LOC400499: variants seen among roughly 807,000 people sequenced by gnomAD.
chr16:11,478,322 C>T, the LOC400499 span, among the ~76,000 whole-genome samples: 6 of 152,044 alleles, frequency 3.9e-5, no homozygotes, highest in African/African-American at 7.2e-5. Flanking sequence ...GCCACTTCGC[C>T]GAACCAGATA....
the LOC400499 span, chr16:11,449,001 C>T: frequency 5.1e-3 from 7,835 of 1,524,538 alleles, 26 homozygotes; most frequent in Non-Finnish European, 6.4e-3. Flanking sequence ...CTTACGGTCC[C>T]GGCTGTTCTC....
At chr16:11,480,073 G>A in the LOC400499 span, among the ~76,000 whole-genome samples, 1 of 152,188 alleles carries the variant, frequency 6.6e-6, no homozygotes, top group Non-Finnish European at 1.5e-5. Context: ...GAGCTGAGCA[G>A]TGGCTGCCAC....
At chr16:11,497,211 T>C in the LOC400499 span, among the ~76,000 whole-genome samples, 1 of 152,154 alleles carries the variant, frequency 6.6e-6, no homozygotes, top group Non-Finnish European at 1.5e-5. Context: ...GTGGGTTGTG[T>C]CCCATGTGTG....
At chr16:11,396,557 T>C in the LOC400499 span, 1 of 1,232,014 alleles carries the variant, frequency 8.1e-7, no homozygotes, top group Non-Finnish European at 1.0e-6. Flanking sequence ...GCTGTGGTTT[T>C]GGAGGGTCAG....
chr16:11,437,166 G>A, the LOC400499 span, among the ~76,000 whole-genome samples: 1 of 152,186 alleles, frequency 6.6e-6, no homozygotes, highest in Non-Finnish European at 1.5e-5. Context: ...AGTGTAGGAG[G>A]AGGGATGAAA....
the LOC400499 span, among the ~76,000 whole-genome samples, chr16:11,481,814 T>C: frequency 1.3e-5 from 2 of 151,526 alleles, no homozygotes; most frequent in African/African-American, 4.8e-5. Flanking sequence ...TTTGTGTCTT[T>C]AGTAGAGACA....
chr16:11,445,982 G>T, the LOC400499 span, among the ~76,000 whole-genome samples: 4 of 151,614 alleles, frequency 2.6e-5, no homozygotes, highest in African/African-American at 9.7e-5. Flanking sequence ...CTACCACCAT[G>T]CCCATCTAGT....
the LOC400499 span, chr16:11,516,427 G>A: frequency 7.5e-6 from 3 of 397,664 alleles, no homozygotes; most frequent in African/African-American, 6.2e-5. Flanking sequence ...AAGCTCCCAG[G>A]GAACCCCACA....
the LOC400499 span, among the ~76,000 whole-genome samples, chr16:11,502,739 T>G: frequency 1.3e-5 from 2 of 149,200 alleles, no homozygotes; most frequent in Non-Finnish European, 3.0e-5. Flanking sequence ...CTCAGCCTCC[T>G]GAGTAGCTGG....
the LOC400499 span, chr16:11,393,486 C>T: frequency 5.2e-5 from 64 of 1,232,328 alleles, no homozygotes; most frequent in Admixed American, 1.8e-3. Flanking sequence ...TCCCTCCAAC[C>T]GGACCAGGCT....
chr16:11,422,332 A>T, the LOC400499 span, among the ~76,000 whole-genome samples: 2 of 152,200 alleles, frequency 1.3e-5, no homozygotes, highest in African/African-American at 4.8e-5. Context: ...CCTGGTAGGC[A>T]GAGGTTGCAG....
chr16:11,460,816 G>A, the LOC400499 span: 2 of 1,203,438 alleles, frequency 1.7e-6, no homozygotes, highest in South Asian at 1.6e-5. Context: ...TTAATGGGCA[G>A]GTATTCAGTC....
chr16:11,381,850 C>T, the LOC400499 span, among the ~76,000 whole-genome samples: 1 of 152,058 alleles, frequency 6.6e-6, no homozygotes, highest in South Asian at 2.1e-4. Flanking sequence ...GTTTTTTCTG[C>T]AGTTTAGTTC....
chr16:11,384,868 C>G, the LOC400499 span: 2 of 1,232,274 alleles, frequency 1.6e-6, no homozygotes, highest in Non-Finnish European at 2.0e-6. Context: ...GGGGCCAACC[C>G]TCCTGGGGCC....
the LOC400499 span, chr16:11,392,885 G>C: frequency 3.9e-6 from 3 of 778,546 alleles, no homozygotes; most frequent in Non-Finnish European, 4.7e-6. Context: ...ACAGAGTCTC[G>C]CTCTGTCGCC....
chr16:11,434,543 A>T, the LOC400499 span, among the ~76,000 whole-genome samples: 935 of 152,304 alleles, frequency 6.1e-3, 14 homozygotes, highest in African/African-American at 0.022. Flanking sequence ...GTTAGTGTCC[A>T]CCAGAGAACT....
chr16:11,489,401 A>G, the LOC400499 span, among the ~76,000 whole-genome samples: 1 of 152,170 alleles, frequency 6.6e-6, no homozygotes, highest in Admixed American at 6.5e-5. Flanking sequence ...CTGGACCTAA[A>G]AAGACTAAGC....
the LOC400499 span, chr16:11,514,569 A>G: frequency 2.5e-6 from 1 of 399,892 alleles, no homozygotes; most frequent in Non-Finnish European, 4.4e-6. Flanking sequence ...GGGACAGCTC[A>G]GGCCAGGATC....
chr16:11,515,199 T>G, the LOC400499 span, among the ~76,000 whole-genome samples: 14 of 152,028 alleles, frequency 9.2e-5, no homozygotes, highest in African/African-American at 2.9e-4. Context: ...TAGTCCCAGC[T>G]ACTTGGGAGG....
Sources: gnomAD v4.1 joint callset for allele counts (sites outside exome capture counted in the v4.1 genomes callset) on GRCh38, gnomAD v4.1.1 for gene constraint, MANE v1.5 for transcripts.